LOC400499: variants seen among roughly 807,000 people sequenced by gnomAD.
the LOC400499 span, chr16:11,465,223 T>C: frequency 6.6e-6 from 1 of 152,354 alleles, no homozygotes; most frequent in African/African-American, 2.4e-5. Flanking sequence ...ACCTCCCAGA[T>C]TCAAGCAATT....
At chr16:11,457,986 G>A in the LOC400499 span, among the ~76,000 whole-genome samples, 1 of 152,232 alleles carries the variant, frequency 6.6e-6, no homozygotes, top group African/African-American at 2.4e-5. Flanking sequence ...TGGATCACCT[G>A]GGTTCAGGAG....
chr16:11,411,429 C>A, the LOC400499 span: 4 of 397,946 alleles, frequency 1.0e-5, no homozygotes, highest in Non-Finnish European at 1.8e-5. Context: ...GAGAGAGAGT[C>A]AGAGAGCCAG....
chr16:11,385,130 C>T, the LOC400499 span: 1 of 1,231,414 alleles, frequency 8.1e-7, no homozygotes, highest in East Asian at 3.2e-5. Context: ...TTGAAAGTGC[C>T]ATCCCCCCAG....
At chr16:11,384,168 C>T in the LOC400499 span, 1 of 1,215,254 alleles carries the variant, frequency 8.2e-7, no homozygotes, top group Non-Finnish European at 1.0e-6. Flanking sequence ...AGTGAGCAGC[C>T]CTCAAGAACC....
the LOC400499 span, among the ~76,000 whole-genome samples, chr16:11,512,649 G>T: frequency 6.6e-6 from 1 of 152,122 alleles, no homozygotes; most frequent in East Asian, 1.9e-4. Flanking sequence ...GATGATGGAT[G>T]TACAACTCTG....
chr16:11,423,542 C>T, the LOC400499 span, among the ~76,000 whole-genome samples: 1 of 152,206 alleles, frequency 6.6e-6, no homozygotes, highest in African/African-American at 2.4e-5. Context: ...AACTGAGTCA[C>T]GCAAGTCAGG....
At chr16:11,377,724 CT>C in the LOC400499 span, among the ~76,000 whole-genome samples, 1 of 152,164 alleles carries the variant, frequency 6.6e-6, no homozygotes, top group Non-Finnish European at 1.5e-5. Context: ...TTGTTGAGAA[CT>C]TTTGCATCTG....
the LOC400499 span, among the ~76,000 whole-genome samples, chr16:11,459,398 G>A: frequency 4.0e-5 from 6 of 151,704 alleles, no homozygotes; most frequent in African/African-American, 7.3e-5. Flanking sequence ...GTGTTTCGCC[G>A]TGTTAGCCAG....
At chr16:11,491,917 T>G in the LOC400499 span, 1 of 397,280 alleles carries the variant, frequency 2.5e-6, no homozygotes, top group Non-Finnish European at 4.4e-6. Flanking sequence ...TGTCCCTGGC[T>G]GCAGCAGGTG....
the LOC400499 span, among the ~76,000 whole-genome samples, chr16:11,375,325 TTTTTTG>T: frequency 1.1e-5 from 1 of 90,762 alleles, no homozygotes. Context: ...TTTTTTTTTT[TTTTTTG>T]GAGACAGAGT....
At chr16:11,468,588 C>T in the LOC400499 span, among the ~76,000 whole-genome samples, 1 of 152,134 alleles carries the variant, frequency 6.6e-6, no homozygotes, top group African/African-American at 2.4e-5. Context: ...GGCCTCCCAA[C>T]TTTCTGTAAT....
At chr16:11,428,589 TCACCATC>T in the LOC400499 span, among the ~76,000 whole-genome samples, 1 of 152,236 alleles carries the variant, frequency 6.6e-6, no homozygotes, top group Non-Finnish European at 1.5e-5. Flanking sequence ...GACGCTCTCG[TCACCATC>T]TTGGTTTTGG....
At chr16:11,384,246 G>A in the LOC400499 span, 4 of 1,232,346 alleles carry the variant, frequency 3.2e-6, no homozygotes, top group Middle Eastern at 3.1e-4. Context: ...CCTCCAGGCT[G>A]CGGGCCATAG....
At chr16:11,519,379 T>A in the LOC400499 span, among the ~76,000 whole-genome samples, 4 of 152,026 alleles carry the variant, frequency 2.6e-5, no homozygotes, top group Non-Finnish European at 5.9e-5. Context: ...GGGAGGGGGT[T>A]GCAAAAGAAG....
chr16:11,468,094 A>AAAAAAAC, the LOC400499 span, among the ~76,000 whole-genome samples: 14 of 150,338 alleles, frequency 9.3e-5, no homozygotes, highest in African/African-American at 2.2e-4. Context: ...GGTGGGGAAA[A>AAAAAAAC]AAAAAACAAA....
the LOC400499 span, among the ~76,000 whole-genome samples, chr16:11,498,366 C>T: frequency 3.3e-5 from 5 of 152,066 alleles, no homozygotes; most frequent in African/African-American, 7.3e-5. Flanking sequence ...ATCATAATCC[C>T]AGCTACTCAG....
At chr16:11,420,596 A>ACC in the LOC400499 span, among the ~76,000 whole-genome samples, 8 of 76,232 alleles carry the variant, frequency 1.0e-4, no homozygotes, top group African/African-American at 5.0e-4. Flanking sequence ...AATAATAATA[A>ACC]ACCCCCCCCC....
At chr16:11,398,666 ATT>A in the LOC400499 span, among the ~76,000 whole-genome samples, 4 of 147,476 alleles carry the variant, frequency 2.7e-5, no homozygotes, top group Non-Finnish European at 4.5e-5. Flanking sequence ...CTGCGGCAGG[ATT>A]TTTTTTTTTT....
chr16:11,414,306 A>C, the LOC400499 span: 18 of 399,196 alleles, frequency 4.5e-5, 1 homozygote, highest in East Asian at 2.8e-4. Flanking sequence ...GAGAGAACAG[A>C]ATGTGGAGGG....
Sources: gnomAD v4.1 joint callset for allele counts (sites outside exome capture counted in the v4.1 genomes callset) on GRCh38, gnomAD v4.1.1 for gene constraint, MANE v1.5 for transcripts.